Variants in COL18A1 observed in about 807,000 individuals in gnomAD.
The protein encoded by COL18A1 is collagen alpha-1(XVIII) chain.
A neutral mutation model predicts 168.0 loss-of-function variants in COL18A1; 133 were observed. The ratio of observed to expected loss-of-function variants is 0.79; its 90% CI spans 0.69 to 0.91. The LOEUF (loss-of-function observed/expected upper bound fraction) is 0.91, where lower values mean the gene tolerates loss of function less well. COL18A1 is among the 40% of genes least tolerant of loss of function. The pLI, the probability that COL18A1 is intolerant of heterozygous loss-of-function variation, is 0.00. For missense variants in COL18A1, 2,126 were observed against 1,925.4 expected (o/e 1.10, Z -1.95); for synonymous variants, 949 against 809.0 (o/e 1.17, Z -2.94).
At chr21:45,508,076 G>A (rs892974088) in intron 38 of COL18A1, among the ~76,000 whole-genome samples, 1 of 149,786 alleles carries the variant, frequency 6.7e-6, no homozygotes, top group African/African-American at 2.5e-5. Flanking sequence ...TGAGTAGATG[G>A]TGGACAGGTG....
intron 9 of COL18A1, 128 bp from the exon 10 acceptor site, chr21:45,479,774 G>A: frequency 2.2e-6 from 3 of 1,362,022 alleles, no homozygotes; most frequent in Non-Finnish European, 3.0e-6. Context: ...GTACTTTCCG[G>A]GCCCCAGAGA....
In COL18A1 at chr21:45,468,316, G is replaced by A; in HGVS notation, c.181G>A (p.Asp61Asn). Residue 61 changes from aspartate (D) to asparagine (N), a missense_variant, in exon 3 of 42, where the codon GAC (aspartate) becomes AAC (asparagine). Transcript: ENST00000651438. ...GCCCCAGCAGGTCACCCAGACGGAT[G>A]ACCCCGACGTCGGGCTGGCCTACGT... ...PPPQQVTQTD[D>N]PDVGLAYVFG... The A allele has an allele frequency of 6.2e-7, 1 of 1,613,424 alleles. No individual in the cohort carries two copies. Among genetic ancestry groups the A allele is most frequent in the Non-Finnish European group, 8.5e-7 (1 of 1,180,038 alleles).
rs2033688701 is a variant in COL18A1 at position 45,423,488 on chromosome 21, C to T, written c.106+18015C>T. ...GTGTCCACACACAGCTGGGCGCCCGCCCCCCGCCCCCCGCCCCCCGGAGGG... is the reference window on the plus strand; with the variant it reads ...GTGTCCACACACAGCTGGGCGCCCGTCCCCCGCCCCCCGCCCCCCGGAGGG... On this transcript the variant is annotated intron_variant, in intron 2 of 41. Transcript: ENST00000651438. The surrounding 1 kb of genome is among the most constrained non-coding windows in gnomAD (Gnocchi z 4.0). 7.1e-6 allele frequency among the ~76,000 whole-genome samples: 1 copy of T among 140,426 alleles called. No individual in the cohort carries two copies. The highest frequency in any genetic ancestry group is 1.5e-5 in the Non-Finnish European group (1 of 64,788). The allele number at this position is 140,426 out of a possible 152,430, so 92.1% of individuals were successfully genotyped here. A position where few individuals can be genotyped will look rare whatever the true frequency, so the allele number is the denominator to read the frequency against.
rs78702907 is a variant in COL18A1 at position 45,487,760 on chromosome 21, A to G, written c.1896+251A>G. The G allele has an allele frequency of 7.2e-3, 4,626 of 642,740 alleles. 154 individuals are homozygous for G. In the African/African-American group the frequency reaches 0.073, roughly 10 times the overall value. The allele number at this position is 642,740 out of a possible 1,614,324, so 39.8% of individuals were successfully genotyped here. A position where few individuals can be genotyped will look rare whatever the true frequency, so the allele number is the denominator to read the frequency against. On this transcript the variant is annotated intron_variant, in intron 17 of 41. Coordinates refer to ENST00000651438, the MANE Select transcript of COL18A1 (RefSeq NM_001379500.1). Reference sequence around the variant, plus strand: ...GGGAGACACTGTGAGTGGTCAAGACAAAGGAACACGGGGCCGCATGCCCCC... The same window carrying G: ...GGGAGACACTGTGAGTGGTCAAGACGAAGGAACACGGGGCCGCATGCCCCC...
At chr21:45,499,181 C>A (rs2036649715) in intron 32 of COL18A1, among the ~76,000 whole-genome samples, 2 of 151,818 alleles carry the variant, frequency 1.3e-5, no homozygotes, top group South Asian at 4.2e-4. Flanking sequence ...AGTGTAGACT[C>A]CGACAGCCAG....
chr21:45,463,894 T>C lies in COL18A1; in HGVS notation c.107-4348T>C, dbSNP rs1474390647. The stretch of plus-strand genomic sequence containing the variant: ...CCTGGGCAACAAGAGCGAAACTCCA[T>C]CTAAAAAAAAAAAAGAAAAGGAAAG... On this transcript the variant is annotated intron_variant, in intron 2 of 41. Coordinates refer to ENST00000651438, the MANE Select transcript of COL18A1 (RefSeq NM_001379500.1). The surrounding 1 kb of genome is among the most constrained non-coding windows in gnomAD (Gnocchi z 4.0). 6.7e-6 allele frequency among the ~76,000 whole-genome samples: 1 copy of C among 148,294 alleles called. No homozygotes were observed. The highest frequency in any genetic ancestry group is 1.5e-5 in the Non-Finnish European group (1 of 67,572).
At chr21:45,504,619 C>A in intron 34 of COL18A1, 63 bp downstream of exon 34, 3 of 1,461,830 alleles carry the variant, frequency 2.1e-6, no homozygotes, top group Non-Finnish European at 2.8e-6. Flanking sequence ...GAGCCGAGGG[C>A]AGGTCCAGCC....
In COL18A1 at chr21:45,451,092, G is replaced by A. The variant is rs73909557; in HGVS notation, c.107-17150G>A. ...TCCTCTGGGGGGTGTGAGGTTCTGAGCTGTTAGCCTCAGGCTCCTCAGGAG... is the reference window on the plus strand; with the variant it reads ...TCCTCTGGGGGGTGTGAGGTTCTGAACTGTTAGCCTCAGGCTCCTCAGGAG... On this transcript the variant is annotated intron_variant, in intron 2 of 41. Transcript: ENST00000651438. 5.4e-3 allele frequency among the ~76,000 whole-genome samples: 827 copies of A among 152,364 alleles called. 12 individuals are homozygous for A. The highest frequency in any genetic ancestry group is 0.019 in the African/African-American group (799 of 41,586).
At chr21:45,470,935 C>A (rs1039049484) in intron 3 of COL18A1, among the ~76,000 whole-genome samples, 1 of 149,286 alleles carries the variant, frequency 6.7e-6, no homozygotes, top group Non-Finnish European at 1.5e-5. Flanking sequence ...CCCTGCTGGG[C>A]GTGGGTGGCG....
intron 2 of COL18A1, among the ~76,000 whole-genome samples, chr21:45,437,630 A>G (rs1369231614): frequency 3.0e-5 from 2 of 67,590 alleles, no homozygotes; most frequent in African/African-American, 1.0e-4. Flanking sequence ...TCCTGCACAC[A>G]CACTCACACA....
rs1366839687 is a variant in COL18A1, at chr21:45,493,492, C to T, written c.2278-9C>T. On this transcript the variant is annotated splice_polypyrimidine_tract_variant and intron_variant, in intron 25 of 41. Transcript: ENST00000651438. ...GGCCCTGACTCTGCTGGACCTCCTGCCATTCCAGGGTGAGAAGGGTGAACC... is the reference window on the plus strand; with the variant it reads ...GGCCCTGACTCTGCTGGACCTCCTGTCATTCCAGGGTGAGAAGGGTGAACC... The T allele has an allele frequency of 1.9e-6, 3 of 1,556,392 alleles. No homozygotes were observed. Among genetic ancestry groups the T allele is most frequent in the Non-Finnish European group, 2.6e-6 (3 of 1,150,498 alleles).
chr21:45,437,698 A>ACT (rs1569288454), intron 2 of COL18A1, among the ~76,000 whole-genome samples: 3 of 73,242 alleles, frequency 4.1e-5, no homozygotes, highest in Non-Finnish European at 7.4e-5. Context: ...GCACACACAC[A>ACT]CACACACTCA....
chr21:45,505,911 T>A lies in COL18A1; in HGVS notation c.3161T>A (p.Val1054Glu), dbSNP rs1414749944. Reference protein sequence around the residue: ...HEVPEGWLIFVAEQEELYVRV... With the variant: ...HEVPEGWLIFEAEQEELYVRV... The stretch of plus-strand genomic sequence containing the variant: ...GTTCCCGAGGGCTGGCTCATCTTCG[T>A]GGCCGAGCAGGAGGAGCTCTACGTC... The change falls in exon 37 of 42, where the codon GTG (valine) becomes GAG (glutamate). Residue 1054 changes from valine to glutamate, a missense_variant. Coordinates refer to ENST00000651438, the MANE Select transcript of COL18A1 (RefSeq NM_001379500.1). 1 of 1,613,114 alleles carries A rather than the reference T, an allele frequency of 6.2e-7. No individual in the cohort carries two copies. The highest frequency in any genetic ancestry group is 2.2e-5 in the East Asian group (1 of 44,882).
At chr21:45,495,550 T>C (rs1471818481) in intron 29 of COL18A1, 118 bp downstream of exon 29, 1 of 830,084 alleles carries the variant, frequency 1.2e-6, no homozygotes, top group East Asian at 2.7e-5. Flanking sequence ...AGCCCTGCCA[T>C]GTGGCCACAC....
rs2037674418 is a variant in COL18A1 at position 45,512,566 on chromosome 21, G to T, written c.*168G>T. On this transcript the variant is annotated 3_prime_UTR_variant, in exon 42 of 42. Transcript: ENST00000651438. Reference sequence around the variant, plus strand: ...AAGAAATAAAAGGAAGCCAAAGAGTGTATTTTTTTAAAAGTTTAAAACAGA... The same window carrying T: ...AAGAAATAAAAGGAAGCCAAAGAGTTTATTTTTTTAAAAGTTTAAAACAGA... 4.4e-6 allele frequency: 3 copies of T among 683,642 alleles called. No homozygotes were observed. The African/African-American group carries it at 5.4e-5, about 12-fold the overall frequency. The allele number at this position is 683,642 out of a possible 1,614,324, so 42.3% of individuals were successfully genotyped here.
intron 2 of COL18A1, among the ~76,000 whole-genome samples, chr21:45,412,987 T>C (rs968053233): frequency 2.0e-5 from 3 of 152,206 alleles, no homozygotes; most frequent in African/African-American, 4.8e-5. Context: ...CTCCGTGTCT[T>C]GGTCTCTAAT....
Position 45,468,796 on chromosome 21 carries a change from A to G in COL18A1, c.651+10A>G. The G allele has an allele frequency of 6.3e-7, 1 of 1,575,934 alleles. No homozygotes were observed. Among genetic ancestry groups the G allele is most frequent in the Non-Finnish European group, 8.6e-7 (1 of 1,166,674 alleles). ...CCCTGACAAGTTCCAGGTAACCCCC[A>G]CTGTGCCGTCGCTGGGGGACTGGAG... On this transcript the variant is annotated intron_variant, in intron 3 of 41. Transcript: ENST00000651438.
chr21:45,495,685 C>A, intron 29 of COL18A1: 1 of 492,620 alleles, frequency 2.0e-6, no homozygotes, highest in Non-Finnish European at 3.8e-6. Flanking sequence ...TGCATCTATG[C>A]ACATACATGC....
chr21:45,453,366 A>C (rs2034696389), intron 2 of COL18A1, among the ~76,000 whole-genome samples: 1 of 152,064 alleles, frequency 6.6e-6, no homozygotes, highest in Non-Finnish European at 1.5e-5. Flanking sequence ...TTCATGCATG[A>C]GCAGGAGTGA....
Sources: allele counts gnomAD v4.1 joint callset (sites outside exome capture counted in the v4.1 genomes callset), GRCh38; gene constraint gnomAD v4.1.1; non-coding constraint Gnocchi (gnomAD v3.1); transcripts MANE v1.5; gene names NCBI Gene and HGNC (gene_info 2026-07-23, HGNC 2026-07-21).